MAGI1: variants seen among roughly 807,000 people sequenced by gnomAD.
MAGI1 encodes membrane associated guanylate kinase, WW and PDZ domain containing 1.
Under a neutral mutation model 139.9 loss-of-function variants are expected in MAGI1, and 58 were observed. The ratio of observed to expected loss-of-function variants is 0.41; its 90% CI spans 0.34 to 0.52. The LOEUF (loss-of-function observed/expected upper bound fraction) is 0.52, where lower values mean the gene tolerates loss of function less well. Ranked by LOEUF, MAGI1 falls within the 20% of genes least tolerant of loss-of-function variation. The pLI is 0.12. For missense variants in MAGI1, 1,874 were observed against 1,901.6 expected (o/e 0.99, Z 0.27); for synonymous variants, 812 against 737.9 (o/e 1.10, Z -1.63).
At chr3:65,739,298 T>C (rs2035055293) in intron 1 of MAGI1, among the ~76,000 whole-genome samples, 1 of 152,170 alleles carries the variant, frequency 6.6e-6, no homozygotes, top group African/African-American at 2.4e-5. Flanking sequence ...CTCTCAGCCT[T>C]CATTCACAGA....
chr3:65,796,304 T>C (rs545580046), intron 1 of MAGI1, among the ~76,000 whole-genome samples: 2 of 152,178 alleles, frequency 1.3e-5, no homozygotes, highest in East Asian at 1.9e-4. Context: ...CCAATCCCCA[T>C]TGGAAAGGGT....
chr3:65,727,528 C>T (rs1172480771), intron 1 of MAGI1, among the ~76,000 whole-genome samples: 1 of 152,126 alleles, frequency 6.6e-6, no homozygotes, highest in Non-Finnish European at 1.5e-5. Flanking sequence ...TTGCCCCTGG[C>T]TCTATGGGAG....
chr3:65,986,306 T>C (rs909990881), intron 1 of MAGI1, among the ~76,000 whole-genome samples: 3 of 152,212 alleles, frequency 2.0e-5, no homozygotes, highest in African/African-American at 4.8e-5. Flanking sequence ...AGTAGAAATA[T>C]CTAAGCTCAG....
intron 1 of MAGI1, among the ~76,000 whole-genome samples, chr3:65,910,854 A>ATTTTTTTTTTTTTT (rs1560003976): frequency 1.0e-3 from 12 of 11,898 alleles, no homozygotes; most frequent in African/African-American, 5.7e-3. Flanking sequence ...GACATGGTGG[A>ATTTTTTTTTTTTTT]CTTTTTTTTT....
intron 1 of MAGI1, among the ~76,000 whole-genome samples, chr3:66,021,949 A>C (rs930046785): frequency 6.6e-6 from 1 of 152,194 alleles, no homozygotes; most frequent in Non-Finnish European, 1.5e-5. Context: ...CTGTGCCTGC[A>C]ATCTGTTAGC....
intron 1 of MAGI1, among the ~76,000 whole-genome samples, chr3:65,825,969 A>G (rs562723808): frequency 1.1e-4 from 16 of 152,318 alleles, no homozygotes; most frequent in African/African-American, 3.6e-4. Context: ...CCTGGGCGAC[A>G]GAGCAAGATT....
intron 1 of MAGI1, chr3:65,902,735 C>A (rs1238402553): frequency 1.3e-5 from 2 of 152,688 alleles, no homozygotes; most frequent in Non-Finnish European, 2.9e-5. Context: ...TGCTCCCCAT[C>A]AGGGAGCAGC....
chr3:65,840,375 A>G (rs79349531), intron 1 of MAGI1, among the ~76,000 whole-genome samples: 10,018 of 152,242 alleles, frequency 0.066, 497 homozygotes, highest in South Asian at 0.23. Flanking sequence ...TGCACCATTA[A>G]GTACAATGAT....
At chr3:65,892,081 G>A (rs1011188458) in intron 1 of MAGI1, among the ~76,000 whole-genome samples, 2 of 151,106 alleles carry the variant, frequency 1.3e-5, no homozygotes, top group South Asian at 4.2e-4. Flanking sequence ...TCATTATATA[G>A]AGAACACAGT....
intron 1 of MAGI1, among the ~76,000 whole-genome samples, chr3:65,878,433 T>C (rs986588446): frequency 2.6e-5 from 4 of 151,302 alleles, no homozygotes; most frequent in Admixed American, 2.6e-4. Context: ...GGCGAATTGC[T>C]TGAACCTGGG....
chr3:65,975,101 A>AC (rs961931465), intron 1 of MAGI1, among the ~76,000 whole-genome samples: 3 of 151,738 alleles, frequency 2.0e-5, no homozygotes, highest in African/African-American at 7.3e-5. Flanking sequence ...TTAAAAAAAA[A>AC]AAAACAGTAA....
rs2038769402 is a variant in MAGI1 at position 65,779,634 on chromosome 3, A to G, written c.314-157546T>C. Among the ~76,000 whole-genome samples the G allele has an allele frequency of 2.0e-5, 3 of 152,252 alleles. No homozygotes were observed. The South Asian group carries it at 6.2e-4, about 32-fold the overall frequency. ...CTCTGCCCCTTCCCAGAAAAACTCA[A>G]CTAAAGATTTATAAGTCTACTTAGA... On this transcript the variant is annotated intron_variant, in intron 1 of 22. Transcript: ENST00000402939.
chr3:65,630,594 A>G (rs545544566), intron 1 of MAGI1, among the ~76,000 whole-genome samples: 1 of 152,338 alleles, frequency 6.6e-6, no homozygotes, highest in South Asian at 2.1e-4. Context: ...GGAGGCCATT[A>G]TTCTAAGTGA....
chr3:65,780,466 G>A (rs777932555), intron 1 of MAGI1, among the ~76,000 whole-genome samples: 3 of 152,094 alleles, frequency 2.0e-5, no homozygotes, highest in East Asian at 1.9e-4. Context: ...AGATTCAAAC[G>A]ACTAACAATG....
chr3:65,960,143 A>C (rs2064353217), intron 1 of MAGI1, among the ~76,000 whole-genome samples: 1 of 152,054 alleles, frequency 6.6e-6, no homozygotes, highest in South Asian at 2.1e-4. Flanking sequence ...CAACAGAGAC[A>C]AGTATCTTTC....
At chr3:65,413,859 A>C (rs1945985983) in intron 12 of MAGI1, among the ~76,000 whole-genome samples, 1 of 152,188 alleles carries the variant, frequency 6.6e-6, no homozygotes, top group Non-Finnish European at 1.5e-5. Flanking sequence ...GAGATGCAGG[A>C]AAATGCAAGA....
chr3:65,644,698 A>G (rs1477210400), intron 1 of MAGI1, among the ~76,000 whole-genome samples: 2 of 152,116 alleles, frequency 1.3e-5, no homozygotes, highest in African/African-American at 4.8e-5. Context: ...ATTTGAAGGT[A>G]GGATATTAAA....
chr3:65,934,296 T>TCTCCCTATCTTAAA (rs2062944894), intron 1 of MAGI1, among the ~76,000 whole-genome samples: 1 of 151,280 alleles, frequency 6.6e-6, no homozygotes, highest in African/African-American at 2.4e-5. Flanking sequence ...AGGATCTTGC[T>TCTCCCTATCTTAAA]GGGTTGCCCA....
intron 1 of MAGI1, among the ~76,000 whole-genome samples, chr3:66,025,286 C>T (rs2068190320): frequency 6.6e-6 from 1 of 151,894 alleles, no homozygotes; most frequent in South Asian, 2.1e-4. Context: ...CGCCTGTAAT[C>T]CCAGCACTTT....
Sources: gnomAD v4.1 joint callset for allele counts (sites outside exome capture counted in the v4.1 genomes callset) on GRCh38, gnomAD v4.1.1 for gene constraint, MANE v1.5 for transcripts, NCBI Gene and HGNC (gene_info 2026-07-23, HGNC 2026-07-21) for gene names.